Variants in BICC1 observed in about 807,000 individuals in gnomAD.
BICC1 encodes the protein protein bicaudal C homolog 1.
A neutral mutation model predicts 111.0 loss-of-function variants in BICC1; 43 were observed. The observed-to-expected ratio is 0.39, with a 90% confidence interval of 0.30 to 0.50. BICC1 has a LOEUF of 0.50. Ranked by LOEUF, BICC1 falls within the 20% of genes least tolerant of loss-of-function variation. BICC1 has a pLI of 0.88. For missense variants in BICC1, 1,091 were observed against 1,203.2 expected, an observed-to-expected ratio of 0.91 and a Z score of 1.38; for synonymous variants, 467 against 434.4, an observed-to-expected ratio of 1.07 and a Z score of -0.93.
intron 2 of BICC1, among the ~76,000 whole-genome samples, chr10:58,684,241 G>T (rs368134696): frequency 1.3e-5 from 2 of 152,292 alleles, no homozygotes; most frequent in East Asian, 1.9e-4. Context: ...GATCATGGTG[G>T]ATAATCTTTT....
Position 58,785,004 on chromosome 10 carries a change from C to A in BICC1, c.311C>A (p.Pro104His). The change falls in exon 4 of 21, where the codon CCC (proline) becomes CAC (histidine). Residue 104 changes from proline (P) to histidine (H), a missense_variant. By Grantham distance (77) the Pro-to-His change is moderately conservative. Coordinates refer to ENST00000373886, the MANE Select transcript of BICC1 (RefSeq NM_001080512.3). Reference sequence around the variant, plus strand: ...GCCTTTTATTTCTTTCTTATAGATCCCCATATTAAGGTTTCTGGAAAGAAA... The same window carrying A: ...GCCTTTTATTTCTTTCTTATAGATCACCATATTAAGGTTTCTGGAAAGAAA... ...LKIGAKSKKDPHIKVSGKKED... is the reference protein window; with the variant it reads ...LKIGAKSKKDHHIKVSGKKED... The A allele has an allele frequency of 1.3e-6, 2 of 1,553,656 alleles. No homozygotes were observed. Among genetic ancestry groups the A allele is most frequent in the Non-Finnish European group, 1.8e-6 (2 of 1,135,964 alleles).
chr10:58,541,786 G>C (rs894696225), intron 1 of BICC1, among the ~76,000 whole-genome samples: 1 of 151,960 alleles, frequency 6.6e-6, no homozygotes. Context: ...TCGAAACCTC[G>C]TATGTCCTGA....
upstream of BICC1, among the ~76,000 whole-genome samples, chr10:58,512,853 C>T (rs560635641): frequency 6.7e-6 from 1 of 148,562 alleles, no homozygotes; most frequent in Non-Finnish European, 1.5e-5. Flanking sequence ...GATGGAGGCG[C>T]GGGCAGCGCG....
At chr10:58,657,892 T>C (rs1838711435) in intron 2 of BICC1, among the ~76,000 whole-genome samples, 1 of 152,158 alleles carries the variant, frequency 6.6e-6, no homozygotes, top group African/African-American at 2.4e-5. Flanking sequence ...CCAGTTGATA[T>C]GTCTTCAGTT....
At chr10:58,536,725 A>C (rs1842834810) in intron 1 of BICC1, among the ~76,000 whole-genome samples, 1 of 151,810 alleles carries the variant, frequency 6.6e-6, no homozygotes, top group South Asian at 2.1e-4. Flanking sequence ...GAATGAAATG[A>C]AATTGAAAAG....
At chr10:58,818,595 G>T (rs1213645840) in intron 19 of BICC1, among the ~76,000 whole-genome samples, 1 of 152,030 alleles carries the variant, frequency 6.6e-6, no homozygotes. Context: ...ACTGCCCATG[G>T]TCCAATAAAT....
intron 2 of BICC1, among the ~76,000 whole-genome samples, chr10:58,635,708 T>C (rs904073007): frequency 1.3e-5 from 2 of 152,258 alleles, no homozygotes; most frequent in Non-Finnish European, 2.9e-5. Flanking sequence ...CCTACTGATA[T>C]AACTTTGTTT....
In BICC1 at chr10:58,582,666, G is replaced by T. The variant is rs530860969; in HGVS notation, c.191-38189G>T. On this transcript the variant is annotated intron_variant, in intron 1 of 20. Coordinates refer to ENST00000373886, the MANE Select transcript of BICC1 (RefSeq NM_001080512.3). ...AACAGATCTCACTGGGCTAAAATTA[G>T]AAAGTTGACAGAGCTGCGTTCCTTC... 1.8e-4 allele frequency among the ~76,000 whole-genome samples: 27 copies of T among 152,302 alleles called. 3 individuals carry two copies. The South Asian group carries it at 5.6e-3, about 32-fold the overall frequency.
intron 2 of BICC1, among the ~76,000 whole-genome samples, chr10:58,629,285 C>T (rs547048166): frequency 6.7e-5 from 10 of 149,850 alleles, no homozygotes; most frequent in South Asian, 4.3e-4. Flanking sequence ...TTCTTCTAGT[C>T]GGGGATATCG....
At chr10:58,617,207 G>A (rs1318427104) in intron 1 of BICC1, among the ~76,000 whole-genome samples, 1 of 152,250 alleles carries the variant, frequency 6.6e-6, no homozygotes, top group Non-Finnish European at 1.5e-5. Context: ...AGTACGGCAG[G>A]ATGGGCTACA....
At chr10:58,702,460 T>C (rs1473628122) in intron 3 of BICC1, among the ~76,000 whole-genome samples, 1 of 152,220 alleles carries the variant, frequency 6.6e-6, no homozygotes, top group African/African-American at 2.4e-5. Context: ...CATAAATTTC[T>C]ATTGTTTATA....
chr10:58,620,878 A>C lies in BICC1; in HGVS notation c.214A>C (p.Ser72Arg). The part of the protein sequence containing the change: ...LQAAAEGKGR[S>R]GEDFFQKIME... ...AGCTGCTGCTGAAGGGAAAGGCAGAAGTGGGGAAGACTTTTTTCAAAAGGT... is the reference window on the plus strand; with the variant it reads ...AGCTGCTGCTGAAGGGAAAGGCAGACGTGGGGAAGACTTTTTTCAAAAGGT... The change falls in exon 2 of 21, where the codon AGT (serine) becomes CGT (arginine). Residue 72 changes from serine to arginine, a missense_variant. Physicochemically the swap from Ser to Arg is moderately radical, Grantham distance 110. This residue lies in a region of BICC1 where 843 missense variants were observed against 900.8 expected (regional missense o/e 0.94). Coordinates refer to ENST00000373886, the MANE Select transcript of BICC1 (RefSeq NM_001080512.3). The C allele has an allele frequency of 6.2e-7, 1 of 1,613,712 alleles. No homozygotes were observed. The highest frequency in any genetic ancestry group is 1.1e-5 in the South Asian group (1 of 90,996).
chr10:58,704,442 C>G lies in BICC1; in HGVS notation c.307+2299C>G, dbSNP rs1411096646. 2.6e-5 allele frequency among the ~76,000 whole-genome samples: 4 copies of G among 152,282 alleles called. No individual in the cohort carries two copies. The East Asian group carries it at 7.7e-4, about 29-fold the overall frequency. ...CTGAATCAGTTCTTGGCTAACATCC[C>G]TGGTATGTGTATACCTATATTATTT... On this transcript the variant is annotated intron_variant, in intron 3 of 20. Transcript: ENST00000373886.
chr10:58,783,612 AAAGGT>A (rs1842936791), intron 3 of BICC1, among the ~76,000 whole-genome samples: 1 of 9,396 alleles, frequency 1.1e-4, no homozygotes. Flanking sequence ...GTAAATTGTG[AAAGGT>A]GTGAAAGGTG....
At chr10:58,745,916 C>G (rs982029753) in intron 3 of BICC1, among the ~76,000 whole-genome samples, 3 of 151,878 alleles carry the variant, frequency 2.0e-5, no homozygotes, top group African/African-American at 7.3e-5. Flanking sequence ...CTCATGCTAT[C>G]CTATTATAGG....
In BICC1 at chr10:58,803,072, C is replaced by T. The variant is rs1843599693; in HGVS notation, c.2016-5C>T. 6.3e-7 allele frequency: 1 copy of T among 1,582,878 alleles called. No homozygotes were observed. The highest frequency in any genetic ancestry group is 8.6e-7 in the Non-Finnish European group (1 of 1,165,536). ...AGTGTTAAATTCCACACTCTTATTT[C>T]ACAGCAGCACTGACAGGTTGCTCTC... is the stretch of plus-strand genomic sequence containing the variant. On this transcript the variant is annotated splice_region_variant and splice_polypyrimidine_tract_variant and intron_variant, in intron 14 of 20. Transcript: ENST00000373886.
chr10:58,670,155 A>G (rs1298573171), intron 2 of BICC1, among the ~76,000 whole-genome samples: 1 of 152,140 alleles, frequency 6.6e-6, no homozygotes, highest in Non-Finnish European at 1.5e-5. Context: ...TTGCTTTATC[A>G]CATATCCAAT....
chr10:58,737,067 T>A (rs1371417577), intron 3 of BICC1, among the ~76,000 whole-genome samples: 1 of 152,126 alleles, frequency 6.6e-6, no homozygotes, highest in African/African-American at 2.4e-5. Flanking sequence ...GAGACAGTCA[T>A]TTAATATCAT....
chr10:58,768,603 A>G (rs1235904192), intron 3 of BICC1, among the ~76,000 whole-genome samples: 3 of 152,196 alleles, frequency 2.0e-5, no homozygotes, highest in Admixed American at 6.5e-5. Flanking sequence ...TAACTCTAGT[A>G]TAAATGTTAA....
Sources: allele counts gnomAD v4.1 joint callset (sites outside exome capture counted in the v4.1 genomes callset), GRCh38; gene constraint gnomAD v4.1.1; regional missense constraint gnomAD v4.1.1; transcripts MANE v1.5; gene names NCBI Gene and HGNC (gene_info 2026-07-23, HGNC 2026-07-21).